GHR: variants seen among roughly 807,000 people sequenced by gnomAD.
GHR encodes growth hormone receptor, also known as GH receptor.
In GHR, 35 loss-of-function variants were observed where a neutral mutation model predicts 67.1. The ratio of observed to expected loss-of-function variants is 0.52; its 90% CI spans 0.40 to 0.69. The LOEUF is 0.69. GHR is among the 30% of genes least tolerant of loss of function. The pLI is 0.00. For synonymous variants in GHR, 272 were observed against 269.1 expected (o/e 1.01, Z -0.10); for missense variants, 792 against 764.6 (o/e 1.04, Z -0.42).
chr5:42,463,992 CAAAAAAAAAAAAAA>C (rs70991406), intron 1 of GHR, among the ~76,000 whole-genome samples: 4 of 46,522 alleles, frequency 8.6e-5, no homozygotes, highest in East Asian at 1.5e-3. Context: ...GACTCCGTCT[CAAAAAAAAAAAAAA>C]AAAAAAAAAA....
intron 1 of GHR, among the ~76,000 whole-genome samples, chr5:42,510,697 G>A (rs1482412447): frequency 6.6e-6 from 1 of 152,216 alleles, no homozygotes; most frequent in Non-Finnish European, 1.5e-5. Flanking sequence ...CACAAAAACA[G>A]TAGCATGGAG....
At chr5:42,676,472 T>C (rs1756578464) in intron 3 of GHR, among the ~76,000 whole-genome samples, 1 of 152,124 alleles carries the variant, frequency 6.6e-6, no homozygotes, top group African/African-American at 2.4e-5. Context: ...AAAGAAAATA[T>C]TTTATTAAAT....
chr5:42,649,132 C>G (rs567930477), intron 3 of GHR, among the ~76,000 whole-genome samples: 2 of 152,322 alleles, frequency 1.3e-5, no homozygotes, highest in East Asian at 1.9e-4. Context: ...CTGATACTTA[C>G]TAGCTGTGGG....
At chr5:42,579,120 TAG>T (rs1750961479) in intron 2 of GHR, among the ~76,000 whole-genome samples, 3 of 85,792 alleles carry the variant, frequency 3.5e-5, no homozygotes, top group African/African-American at 9.1e-5. Context: ...GATAGATAGA[TAG>T]ATAGATAGAT....
chr5:42,695,147 C>A, intron 5 of GHR, 58 bp downstream of exon 5: 3 of 1,147,056 alleles, frequency 2.6e-6, no homozygotes, highest in Non-Finnish European at 2.6e-6. Context: ...AATGGGGAAG[C>A]CTGCAAGGTC....
At chr5:42,573,740 A>C (rs189460669) in intron 2 of GHR, among the ~76,000 whole-genome samples, 353 of 152,276 alleles carry the variant, frequency 2.3e-3, no homozygotes, top group Non-Finnish European at 3.7e-3. Context: ...TTAAATATCA[A>C]GTCTTTCTAA....
chr5:42,619,770 A>G (rs1270410270), intron 2 of GHR: 4 of 152,176 alleles, frequency 2.6e-5, no homozygotes, highest in African/African-American at 9.6e-5. Flanking sequence ...CCTGTTTATG[A>G]AAGATGCCTT....
chr5:42,480,238 T>C (rs1208996698), intron 1 of GHR, among the ~76,000 whole-genome samples: 1 of 152,260 alleles, frequency 6.6e-6, no homozygotes, highest in Non-Finnish European at 1.5e-5. Flanking sequence ...TTGATTGCAC[T>C]GTGGTCTGAG....
At chr5:42,632,020 A>ACC (rs1237471836) in intron 3 of GHR, among the ~76,000 whole-genome samples, 1 of 150,718 alleles carries the variant, frequency 6.6e-6, no homozygotes, top group Non-Finnish European at 1.5e-5. Context: ...CTCTCCTTCC[A>ACC]CCCCCTGCCC....
chr5:42,624,970 A>G (rs1269177000), intron 2 of GHR, among the ~76,000 whole-genome samples: 6 of 152,212 alleles, frequency 3.9e-5, no homozygotes, highest in Non-Finnish European at 8.8e-5. Context: ...TACTTTATTT[A>G]CTTTAGGAAA....
At chr5:42,638,689 A>G (rs1216325158) in intron 3 of GHR, among the ~76,000 whole-genome samples, 4 of 152,206 alleles carry the variant, frequency 2.6e-5, no homozygotes, top group Middle Eastern at 3.2e-3. Flanking sequence ...CCAAAACATC[A>G]TTATACAGCA....
chr5:42,621,599 T>C (rs1017773713), intron 2 of GHR, among the ~76,000 whole-genome samples: 1 of 152,202 alleles, frequency 6.6e-6, no homozygotes, highest in Admixed American at 6.5e-5. Flanking sequence ...CATTGATTCT[T>C]GCTGAACCCC....
chr5:42,648,803 C>T (rs1291095446), intron 3 of GHR, among the ~76,000 whole-genome samples: 2 of 152,022 alleles, frequency 1.3e-5, no homozygotes. Flanking sequence ...AGCTGACTGA[C>T]AGTTTATATA....
intron 1 of GHR, among the ~76,000 whole-genome samples, chr5:42,497,581 T>G (rs1457627045): frequency 6.6e-6 from 1 of 152,198 alleles, no homozygotes; most frequent in African/African-American, 2.4e-5. Context: ...TTCATTTACA[T>G]ATCACCTATG....
At chr5:42,531,662 T>C (rs1186199415) in intron 1 of GHR, among the ~76,000 whole-genome samples, 1 of 152,194 alleles carries the variant, frequency 6.6e-6, no homozygotes, top group Non-Finnish European at 1.5e-5. Flanking sequence ...GGTTACTATA[T>C]TATTATTTTG....
chr5:42,626,254 T>C (rs115605361), intron 2 of GHR, among the ~76,000 whole-genome samples: 1,770 of 152,274 alleles, frequency 0.012, 34 homozygotes, highest in African/African-American at 0.041. Flanking sequence ...CCAACAATAC[T>C]GTCCCCCACT....
intron 6 of GHR, among the ~76,000 whole-genome samples, chr5:42,709,685 G>A (rs1758355228): frequency 1.3e-5 from 2 of 152,130 alleles, no homozygotes; most frequent in Non-Finnish European, 2.9e-5. Context: ...CACTAAATTT[G>A]CACAATGAAA....
intron 1 of GHR, among the ~76,000 whole-genome samples, chr5:42,459,649 C>T (rs1442127662): frequency 6.6e-6 from 1 of 151,244 alleles, no homozygotes; most frequent in African/African-American, 2.4e-5. Flanking sequence ...CTGCATAGTA[C>T]CCCCGAACTT....
intron 2 of GHR, among the ~76,000 whole-genome samples, chr5:42,587,698 A>C (rs1751555508): frequency 6.6e-6 from 1 of 151,724 alleles, no homozygotes; most frequent in Non-Finnish European, 1.5e-5. Context: ...TTTAAGAAAC[A>C]GAGACTTGAC....
Sources: allele counts gnomAD v4.1 joint callset (sites outside exome capture counted in the v4.1 genomes callset), GRCh38; gene constraint gnomAD v4.1.1; transcripts MANE v1.5; gene names NCBI Gene and HGNC (gene_info 2026-07-23, HGNC 2026-07-21).